Variants in TMCC1 observed in about 807,000 individuals in gnomAD.
TMCC1 encodes transmembrane and coiled-coil domain family 1.
TMCC1 carries 15 observed loss-of-function variants against 52.4 expected under a neutral mutation model. The ratio of observed to expected loss-of-function variants is 0.29; its 90% CI spans 0.19 to 0.44. The LOEUF (loss-of-function observed/expected upper bound fraction) is 0.44. Ranked by LOEUF, TMCC1 falls within the 20% of genes least tolerant of loss-of-function variation. TMCC1 has a pLI of 1.00. For missense variants in TMCC1, 503 were observed against 806.0 expected, an observed-to-expected ratio of 0.62 and a Z score of 4.55; for synonymous variants, 279 against 301.9, an observed-to-expected ratio of 0.92 and a Z score of 0.79.
rs996878512 is a variant in TMCC1 at position 129,748,770 on chromosome 3, A to C, written c.577-77506T>G. Among the ~76,000 whole-genome samples the C allele has an allele frequency of 8.5e-5, 13 of 152,056 alleles. 1 individual carries two copies. The highest frequency in any genetic ancestry group is 1.2e-4 in the Non-Finnish European group (8 of 68,010). ...GTAATCCCAGCACTTTGGGAGGCTG[A>C]GGCGGACAGATCTCTTAAGCCCGGG... On this transcript the variant is annotated intron_variant, in intron 4 of 6. Coordinates refer to ENST00000393238, the MANE Select transcript of TMCC1 (RefSeq NM_001017395.5).
In TMCC1 at chr3:129,651,504, G is replaced by A. The variant is rs1453707232; in HGVS notation, c.1939C>T (p.Arg647Trp). 8 of 1,614,038 alleles carry A rather than the reference G, an allele frequency of 5.0e-6. No homozygotes were observed. Among genetic ancestry groups the A allele is most frequent in the African/African-American group, 1.3e-5 (1 of 74,994 alleles). The change falls in exon 7 of 7, where the codon CGG (arginine) becomes TGG (tryptophan). Residue 647 changes from arginine (R) to tryptophan (W), a missense_variant. By Grantham distance (101) the Arg-to-Trp change is moderately radical. This residue lies in a region of TMCC1 where 50 missense variants were observed against 62.6 expected (regional missense o/e 0.80). Transcript: ENST00000393238. The surrounding 1 kb of genome is among the most constrained non-coding windows in gnomAD (Gnocchi z 5.1). ...CATCATCTAGGGGATGAAAAGAACC[G>A]TTCCACATAGCTGAAGAGGGCGTCC... ...HWDALFSYVERFFSSPR is the reference protein window; with the variant it reads ...HWDALFSYVEWFFSSPR
intron 4 of TMCC1, among the ~76,000 whole-genome samples, chr3:129,709,876 C>T (rs2048535375): frequency 6.6e-6 from 1 of 151,900 alleles, no homozygotes; most frequent in Non-Finnish European, 1.5e-5. Context: ...GACCAAAATT[C>T]CCAGTGGATA....
chr3:129,740,524 C>T (rs2051370407), intron 4 of TMCC1, among the ~76,000 whole-genome samples: 1 of 152,130 alleles, frequency 6.6e-6, no homozygotes, highest in African/African-American at 2.4e-5. Context: ...TTTCCTAACT[C>T]ATGGGAGTTC....
intron 2 of TMCC1, among the ~76,000 whole-genome samples, chr3:129,858,738 A>T (rs1469163457): frequency 6.6e-6 from 1 of 152,176 alleles, no homozygotes; most frequent in Non-Finnish European, 1.5e-5. Context: ...GGGTCCTCAC[A>T]TTTAACATCT....
intron 4 of TMCC1, among the ~76,000 whole-genome samples, chr3:129,748,885 C>T (rs909268768): frequency 6.6e-6 from 1 of 151,962 alleles, no homozygotes; most frequent in African/African-American, 2.4e-5. Context: ...TACCTGTAAT[C>T]CCAGCTACTC....
intron 4 of TMCC1, among the ~76,000 whole-genome samples, chr3:129,808,761 A>G (rs2057616047): frequency 1.3e-5 from 2 of 151,210 alleles, no homozygotes; most frequent in African/African-American, 2.4e-5. Flanking sequence ...ATAATAAGAA[A>G]GCTACATGAT....
chr3:129,796,552 G>A, intron 4 of TMCC1, among the ~76,000 whole-genome samples: 1 of 152,128 alleles, frequency 6.6e-6, no homozygotes, highest in Non-Finnish European at 1.5e-5. Flanking sequence ...AGGTTCAGTG[G>A]CTCATACCTG....
At chr3:129,700,420 A>T (rs1448604763) in intron 4 of TMCC1, among the ~76,000 whole-genome samples, 1 of 152,238 alleles carries the variant, frequency 6.6e-6, no homozygotes. Flanking sequence ...GAGATGCTGA[A>T]AATTTCACAG....
At chr3:129,742,190 T>C (rs923240216) in intron 4 of TMCC1, among the ~76,000 whole-genome samples, 2 of 151,932 alleles carry the variant, frequency 1.3e-5, no homozygotes, top group Non-Finnish European at 2.9e-5. Context: ...TTCTCAGATA[T>C]GACACCAAAA....
chr3:129,832,087 C>A (rs568036956), intron 3 of TMCC1, among the ~76,000 whole-genome samples: 1 of 152,182 alleles, frequency 6.6e-6, no homozygotes, highest in Admixed American at 6.5e-5. Flanking sequence ...GAACTCCTGA[C>A]CTCAAGTGAT....
intron 4 of TMCC1, among the ~76,000 whole-genome samples, chr3:129,678,283 T>C (rs1037364384): frequency 1.8e-4 from 28 of 151,890 alleles, no homozygotes; most frequent in African/African-American, 6.5e-4. Flanking sequence ...TTAATAATCA[T>C]AGTTGCTAAT....
At chr3:129,682,857 C>CA (rs1009605350) in intron 4 of TMCC1, among the ~76,000 whole-genome samples, 1 of 151,826 alleles carries the variant, frequency 6.6e-6, no homozygotes, top group Admixed American at 6.5e-5. Flanking sequence ...ATTTTTGAGA[C>CA]AGAGTTTCGC....
chr3:129,700,396 CTG>C (rs1043365894), intron 4 of TMCC1, among the ~76,000 whole-genome samples: 7 of 152,130 alleles, frequency 4.6e-5, no homozygotes, highest in African/African-American at 1.7e-4. Context: ...GTGTTAGACA[CTG>C]TTGAATATTG....
chr3:129,706,268 A>C (rs1176761130), intron 4 of TMCC1, among the ~76,000 whole-genome samples: 3 of 150,764 alleles, frequency 2.0e-5, no homozygotes, highest in Non-Finnish European at 4.4e-5. Context: ...GCAGTGCGCG[A>C]TCTCGGCTTA....
At chr3:129,720,707 A>AT (rs996278097) in intron 4 of TMCC1, among the ~76,000 whole-genome samples, 4 of 151,886 alleles carry the variant, frequency 2.6e-5, no homozygotes, top group African/African-American at 7.3e-5. Flanking sequence ...TATTTTTATT[A>AT]TTTTTTTAAG....
intron 4 of TMCC1, among the ~76,000 whole-genome samples, chr3:129,759,709 A>ATTTTTTTTTTTT (rs1560350161): frequency 2.4e-4 from 24 of 98,354 alleles, no homozygotes; most frequent in African/African-American, 8.7e-4. Context: ...AGCCAGCCAA[A>ATTTTTTTTTTTT]CTTTTTTTTT....
rs909610146 is a variant in TMCC1, at chr3:129,704,918, A to G, written c.577-33654T>C. 3.3e-5 allele frequency among the ~76,000 whole-genome samples: 5 copies of G among 152,338 alleles called. No individual in the cohort carries two copies. The East Asian group carries it at 5.8e-4, about 18-fold the overall frequency. ...CCCAGACCTTGATTGAGCTGATTCAATGTATACACAATAGGCATATACCAG... is the reference window on the plus strand; with the variant it reads ...CCCAGACCTTGATTGAGCTGATTCAGTGTATACACAATAGGCATATACCAG... On this transcript the variant is annotated intron_variant, in intron 4 of 6. Coordinates refer to ENST00000393238, the MANE Select transcript of TMCC1 (RefSeq NM_001017395.5).
At chr3:129,706,106 G>C (rs1275201053) in intron 4 of TMCC1, among the ~76,000 whole-genome samples, 2 of 150,880 alleles carry the variant, frequency 1.3e-5, no homozygotes, top group Non-Finnish European at 2.9e-5. Flanking sequence ...GGCCAGGCTG[G>C]TCTTGAACTC....
intron 2 of TMCC1, among the ~76,000 whole-genome samples, chr3:129,854,987 T>A (rs981311016): frequency 7.2e-5 from 11 of 152,210 alleles, no homozygotes; most frequent in Admixed American, 1.3e-4. Context: ...GCATGAACCA[T>A]GCTCAAAAAT....
Sources: allele counts gnomAD v4.1 joint callset (sites outside exome capture counted in the v4.1 genomes callset), GRCh38; gene constraint gnomAD v4.1.1; regional missense constraint gnomAD v4.1.1; non-coding constraint Gnocchi (gnomAD v3.1); transcripts MANE v1.5; gene names NCBI Gene and HGNC (gene_info 2026-07-23, HGNC 2026-07-21).